VGLL1: variants seen among roughly 807,000 people sequenced by gnomAD.
VGLL1 encodes the protein transcription cofactor vestigial-like protein 1.
A neutral mutation model predicts 12.0 loss-of-function variants in VGLL1; 4 were observed. That is an observed-to-expected ratio of 0.33 (90% CI 0.16 to 0.76). VGLL1 has a LOEUF of 0.76. Among genes scored for constraint, VGLL1 ranks in the 30% least tolerant of loss-of-function variants. The probability of loss-of-function intolerance (pLI) is 0.60; values close to 1 mark genes in which losing one functional copy is unlikely to be tolerated. For synonymous variants in VGLL1, 87 were observed against 81.2 expected (o/e 1.07, Z -0.39); for missense variants, 204 against 208.7 (o/e 0.98, Z 0.14).
chrX:136,533,406 T>A (rs1369713887), intron 1 of VGLL1, among the ~76,000 whole-genome samples: 1 of 111,785 alleles, frequency 8.9e-6, no homozygotes, highest in Non-Finnish European at 1.9e-5. Context: ...TGTAGCCAGT[T>A]GGCCTGGGGC....
Position 136,536,080 on chromosome X carries a change from G to C in VGLL1, c.60G>C (p.Lys20Asn), listed in dbSNP as rs1315109784. ...CCAAAGGCAAACAGAAGCCTATAAA[G>C]ACGGAATGGAATTCCCGGTGTGTCC... is the stretch of plus-strand genomic sequence containing the variant. ...RLPKGKQKPIKTEWNSRCVLF... is the reference protein window; with the variant it reads ...RLPKGKQKPINTEWNSRCVLF... Residue 20 changes from lysine (K) to asparagine (N), a missense_variant, in exon 2 of 5, where the codon AAG (lysine) becomes AAC (asparagine). Coordinates refer to ENST00000370634, the MANE Select transcript of VGLL1 (RefSeq NM_016267.4). The C allele has an allele frequency of 1.7e-6, 2 of 1,211,727 alleles. No individual in the cohort carries two copies. The highest frequency in any genetic ancestry group is 5.9e-5 in the East Asian group (2 of 33,842).
At chrX:136,550,030 GCCTA>G (rs906937383) in intron 3 of VGLL1, among the ~76,000 whole-genome samples, 5 of 111,947 alleles carry the variant, frequency 4.5e-5, no homozygotes, top group Non-Finnish European at 9.4e-5. Flanking sequence ...GTTCAGCATA[GCCTA>G]CCTAAGTCAG....
intron 1 of VGLL1, among the ~76,000 whole-genome samples, chrX:136,535,752 G>A (rs2075837882): frequency 9.0e-6 from 1 of 111,577 alleles, no homozygotes; most frequent in African/African-American, 3.3e-5. Flanking sequence ...ATTCTCATTT[G>A]TAAGAGAAGG....
At chrX:136,543,013 C>T (rs1159074153) in intron 2 of VGLL1, among the ~76,000 whole-genome samples, 5 of 111,929 alleles carry the variant, frequency 4.5e-5, no homozygotes. Flanking sequence ...GAGGCTCAGA[C>T]AGTCAAGTGA....
At chrX:136,533,450 TGC>T (rs1183488424) in intron 1 of VGLL1, among the ~76,000 whole-genome samples, 3 of 111,640 alleles carry the variant, frequency 2.7e-5, no homozygotes, top group Non-Finnish European at 5.6e-5. Flanking sequence ...ACTAGGCACA[TGC>T]TTCAGGGCCC....
At chrX:136,554,081 C>T (rs960903017) in intron 4 of VGLL1, among the ~76,000 whole-genome samples, 1 of 111,947 alleles carries the variant, frequency 8.9e-6, no homozygotes, top group African/African-American at 3.2e-5. Flanking sequence ...TTGTCTTGGT[C>T]CCTGCCCTCA....
At chrX:136,534,840 G>A (rs955815886) in intron 1 of VGLL1, among the ~76,000 whole-genome samples, 10 of 112,012 alleles carry the variant, frequency 8.9e-5, no homozygotes, top group Non-Finnish European at 1.7e-4. Flanking sequence ...GGAAACATTG[G>A]TTACTTAACA....
chrX:136,548,550 A>G (rs187283336), intron 2 of VGLL1, 39 bp from the exon 3 acceptor site: 11 of 1,169,833 alleles, frequency 9.4e-6, no homozygotes, highest in African/African-American at 1.8e-5. Context: ...TTTGAAAACA[A>G]TAAACACCTA....
intron 3 of VGLL1, 142 bp from the exon 4 acceptor site, chrX:136,550,626 T>C (rs2075883011): frequency 1.4e-5 from 6 of 431,442 alleles, no homozygotes; most frequent in Admixed American, 4.6e-5. Context: ...TCTCAGTTTT[T>C]GTAGCATCTG....
Sources: allele counts gnomAD v4.1 joint callset (sites outside exome capture counted in the v4.1 genomes callset), GRCh38; gene constraint gnomAD v4.1.1; transcripts MANE v1.5; gene names NCBI Gene and HGNC (gene_info 2026-07-23, HGNC 2026-07-21).